The following ATG7 variants were observed in gnomAD, a reference collection of about 807,000 sequenced individuals.
ATG7 encodes the protein ubiquitin-like modifier-activating enzyme ATG7.
In ATG7, 70 loss-of-function variants were observed where a neutral mutation model predicts 82.4. The ratio of observed to expected loss-of-function variants is 0.85; its 90% CI spans 0.70 to 1.04. The LOEUF is 1.04. Among genes scored for constraint, ATG7 ranks in the 50% least tolerant of loss-of-function variants. The pLI is 0.00. For missense variants in ATG7, 792 were observed against 864.3 expected (o/e 0.92, Z 1.05); for synonymous variants, 287 against 313.0 (o/e 0.92, Z 0.88).
At chr3:11,339,693 A>G (rs1178954866) in intron 11 of ATG7, among the ~76,000 whole-genome samples, 1 of 152,258 alleles carries the variant, frequency 6.6e-6, no homozygotes, top group Admixed American at 6.5e-5. Context: ...GAATTTTGCA[A>G]CAGTAGAATA....
chr3:11,360,259 T>C (rs1352692503), intron 15 of ATG7, among the ~76,000 whole-genome samples: 2 of 152,224 alleles, frequency 1.3e-5, no homozygotes, highest in African/African-American at 2.4e-5. Context: ...GTTGCCAGGC[T>C]GGTCTCGAAC....
chr3:11,561,604 G>A (rs548105792), downstream of ATG7, among the ~76,000 whole-genome samples: 27 of 152,246 alleles, frequency 1.8e-4, no homozygotes, highest in African/African-American at 4.1e-4. Context: ...GCTGGGACTC[G>A]TCCACCTAGA....
At chr3:11,551,844 G>A (rs2443700) in intron 20 of ATG7, among the ~76,000 whole-genome samples, 30,248 of 151,966 alleles carry the variant, frequency 0.2, 3,274 homozygotes, top group Middle Eastern at 0.26. Flanking sequence ...TACCTCCTGA[G>A]TTCAAGCCAT....
intron 20 of ATG7, among the ~76,000 whole-genome samples, chr3:11,491,149 T>C (rs2090312623): frequency 6.6e-6 from 1 of 152,220 alleles, no homozygotes; most frequent in African/African-American, 2.4e-5. Context: ...AGTCCCATAT[T>C]TCTTGGAGGC....
intron 20 of ATG7, among the ~76,000 whole-genome samples, chr3:11,483,204 G>T (rs2089221208): frequency 6.6e-6 from 1 of 152,082 alleles, no homozygotes; most frequent in African/African-American, 2.4e-5. Flanking sequence ...CCCTAACCCA[G>T]GTCATGGAGA....
chr3:11,558,859 C>T (rs1042355164), downstream of ATG7: 9 of 1,604,728 alleles, frequency 5.6e-6, no homozygotes, highest in Non-Finnish European at 6.8e-6. Context: ...GGCAGTCAGA[C>T]ACAGGTGGCT....
chr3:11,341,591 G>A (rs1386743129), intron 12 of ATG7, among the ~76,000 whole-genome samples: 2 of 152,028 alleles, frequency 1.3e-5, no homozygotes, highest in East Asian at 3.9e-4. Flanking sequence ...GGGATTACAG[G>A]CGCCTGCCAC....
intron 20 of ATG7, among the ~76,000 whole-genome samples, chr3:11,547,641 C>T (rs573349160): frequency 2.0e-4 from 30 of 152,128 alleles, no homozygotes; most frequent in Non-Finnish European, 3.1e-4. Flanking sequence ...CCAGCAGCAA[C>T]GTATGAAGGT....
At chr3:11,507,982 A>G (rs979785855) in intron 20 of ATG7, among the ~76,000 whole-genome samples, 1 of 152,168 alleles carries the variant, frequency 6.6e-6, no homozygotes, top group African/African-American at 2.4e-5. Flanking sequence ...AAAAAACAAA[A>G]CAAAACTGGG....
At chr3:11,530,930 A>G (rs1281557927) in intron 20 of ATG7, among the ~76,000 whole-genome samples, 3 of 152,182 alleles carry the variant, frequency 2.0e-5, no homozygotes, top group African/African-American at 7.2e-5. Context: ...GCAGTGAGCC[A>G]AGGTCACGCC....
At chr3:11,412,480 C>G (rs546454107) in intron 19 of ATG7, among the ~76,000 whole-genome samples, 1 of 152,136 alleles carries the variant, frequency 6.6e-6, no homozygotes, top group South Asian at 2.1e-4. Flanking sequence ...AGGATTGTTT[C>G]TGCGCTCTCT....
In ATG7 at chr3:11,303,638, G is replaced by A. The variant is rs563158861; in HGVS notation, c.216-3305G>A. Among the ~76,000 whole-genome samples, 64 of 150,164 alleles carry A rather than the reference G, an allele frequency of 4.3e-4. No homozygotes were observed. The East Asian group carries it at 0.012, about 28-fold the overall frequency. ...AGCCGAGATCCTGCCACTGCACTCC[G>A]GCCTGGGCGACAGAGCGAGACTCCG... is the stretch of plus-strand genomic sequence containing the variant. On this transcript the variant is annotated intron_variant, in intron 5 of 20. Coordinates refer to ENST00000693202, the MANE Select transcript of ATG7 (RefSeq NM_001349232.2).
intron 20 of ATG7, among the ~76,000 whole-genome samples, chr3:11,554,095 A>G (rs2072121780): frequency 1.3e-5 from 2 of 152,154 alleles, no homozygotes; most frequent in African/African-American, 4.8e-5. Context: ...GCCTGGGCCC[A>G]TGGGGGTGTC....
intron 20 of ATG7, among the ~76,000 whole-genome samples, chr3:11,484,817 G>A (rs962666205): frequency 6.6e-6 from 1 of 152,062 alleles, no homozygotes; most frequent in Non-Finnish European, 1.5e-5. Flanking sequence ...TCTTGCGATA[G>A]TTTACTGAGA....
chr3:11,527,794 C>G (rs181438310), intron 20 of ATG7, among the ~76,000 whole-genome samples: 107 of 152,306 alleles, frequency 7.0e-4, no homozygotes, highest in African/African-American at 2.5e-3. Flanking sequence ...ACTCAAGTTA[C>G]AGTTATATAA....
intron 20 of ATG7, among the ~76,000 whole-genome samples, chr3:11,445,742 T>G (rs1377529193): frequency 6.6e-6 from 1 of 152,184 alleles, no homozygotes; most frequent in African/African-American, 2.4e-5. Flanking sequence ...TCCAAAGCAG[T>G]TCACTGACTT....
At chr3:11,460,637 A>G (rs1363302426) in intron 20 of ATG7, among the ~76,000 whole-genome samples, 7 of 152,242 alleles carry the variant, frequency 4.6e-5, no homozygotes, top group Non-Finnish European at 5.9e-5. Context: ...ATAAAAATGA[A>G]TTCCCTCCCT....
chr3:11,317,073 C>T (rs1256963608), intron 9 of ATG7, among the ~76,000 whole-genome samples: 2 of 152,072 alleles, frequency 1.3e-5, no homozygotes, highest in Non-Finnish European at 2.9e-5. Flanking sequence ...ATCTCCTGGC[C>T]TTGTGATCCG....
intron 8 of ATG7, among the ~76,000 whole-genome samples, chr3:11,313,723 C>G (rs1000740240): frequency 6.6e-6 from 1 of 152,164 alleles, no homozygotes; most frequent in African/African-American, 2.4e-5. Flanking sequence ...TCATCTCAGC[C>G]TCCTGAGCAC....
Sources: allele counts gnomAD v4.1 joint callset (sites outside exome capture counted in the v4.1 genomes callset), GRCh38; gene constraint gnomAD v4.1.1; transcripts MANE v1.5; gene names NCBI Gene and HGNC (gene_info 2026-07-23, HGNC 2026-07-21).